REC114: variants seen among roughly 807,000 people sequenced by gnomAD.
REC114 encodes the protein REC114 meiotic recombination protein.
REC114 carries 27 observed loss-of-function variants against 31.3 expected under a neutral mutation model. The observed-to-expected ratio is 0.86, with a 90% CI of 0.64 to 1.19. The LOEUF (loss-of-function observed/expected upper bound fraction) is 1.19, where lower values mean the gene tolerates loss of function less well. Among genes scored for constraint, REC114 ranks in the 50% most tolerant of loss-of-function variants. The probability of loss-of-function intolerance (pLI) is 0.00; values close to 1 mark genes in which losing one functional copy is unlikely to be tolerated. For missense variants in REC114, 344 were observed against 326.9 expected (o/e 1.05, Z -0.40); for synonymous variants, 134 against 127.7 (o/e 1.05, Z -0.33).
At chr15:73,525,769 A>T (rs1175783623) in intron 2 of REC114, among the ~76,000 whole-genome samples, 4 of 152,158 alleles carry the variant, frequency 2.6e-5, no homozygotes, top group Non-Finnish European at 4.4e-5. Flanking sequence ...CATATGGTAT[A>T]TCTTTTTGAA....
rs1487877964 is a variant in REC114 at position 73,514,040 on chromosome 15, C to A, written c.250-26445C>A. On this transcript the variant is annotated intron_variant, in intron 2 of 5. Transcript: ENST00000331090. Reference sequence around the variant, plus strand: ...TGGGCAATGGCGGGCGCCCCTCCCCCAGCCTCGCTGCTGCCTTGCAGTTTG... The same window carrying A: ...TGGGCAATGGCGGGCGCCCCTCCCCAAGCCTCGCTGCTGCCTTGCAGTTTG... Among the ~76,000 whole-genome samples the A allele has an allele frequency of 3.3e-5, 5 of 152,272 alleles. No homozygotes were observed. The East Asian group carries it at 5.8e-4, about 18-fold the overall frequency.
At chr15:73,467,412 A>G (rs1029192372) in intron 1 of REC114, among the ~76,000 whole-genome samples, 2 of 151,998 alleles carry the variant, frequency 1.3e-5, no homozygotes, top group Admixed American at 1.3e-4. Context: ...CACTAATTAT[A>G]TTTGTTGTGT....
At chr15:73,447,191 G>A (rs972997536) in intron 1 of REC114, among the ~76,000 whole-genome samples, 16 of 152,110 alleles carry the variant, frequency 1.1e-4, no homozygotes, top group Admixed American at 5.2e-4. Context: ...TGGATGTATT[G>A]AATTTCATAA....
intron 4 of REC114, among the ~76,000 whole-genome samples, chr15:73,554,092 C>T (rs1297705627): frequency 6.6e-6 from 1 of 152,116 alleles, no homozygotes; most frequent in Non-Finnish European, 1.5e-5. Context: ...TGCAAATGAA[C>T]AAATCAGCAT....
intron 3 of REC114, among the ~76,000 whole-genome samples, chr15:73,547,983 TATAGA>T (rs1404335260): frequency 4.2e-4 from 64 of 152,174 alleles, no homozygotes; most frequent in African/African-American, 1.5e-3. Context: ...ACACAAAACC[TATAGA>T]ATAGGAGAAC....
intron 2 of REC114, 53 bp from the exon 3 acceptor site, chr15:73,540,432 C>G: frequency 8.2e-7 from 1 of 1,214,174 alleles, no homozygotes; most frequent in South Asian, 1.2e-5. Context: ...GCAGCCATAG[C>G]TATTCTTCAT....
chr15:73,503,997 A>ATT lies in REC114; in HGVS notation c.249+30101_249+30102dup, dbSNP rs71137349. On this transcript the variant is annotated intron_variant, in intron 2 of 5. Transcript: ENST00000331090. ...ATATCTTAGAAATTCTCCCATAGGAATTTTTTTTTTTTTTTTTTTTTTTTT... is the reference window on the plus strand; with the variant it reads ...ATATCTTAGAAATTCTCCCATAGGAATTTTTTTTTTTTTTTTTTTTTTTTTTT... Among the ~76,000 whole-genome samples, 91 of 64,034 alleles carry ATT rather than the reference A, an allele frequency of 1.4e-3. 2 individuals carry two copies. Among genetic ancestry groups the ATT allele is most frequent in the African/African-American group, 3.6e-3 (64 of 17,994 alleles). 42.0% of individuals were successfully genotyped at this position (64,034 alleles called of 152,430 possible). A position where few individuals can be genotyped will look rare whatever the true frequency, so the allele number is the denominator to read the frequency against.
At chr15:73,537,361 T>C (rs967553003) in intron 2 of REC114, among the ~76,000 whole-genome samples, 12 of 152,302 alleles carry the variant, frequency 7.9e-5, no homozygotes, top group African/African-American at 2.9e-4. Flanking sequence ...GCAAAATGGT[T>C]TGAACAAATC....
chr15:73,477,891 A>G (rs945761114), intron 2 of REC114, among the ~76,000 whole-genome samples: 13 of 152,276 alleles, frequency 8.5e-5, no homozygotes, highest in African/African-American at 3.1e-4. Context: ...TTACTATATT[A>G]TGGAATGTAA....
At chr15:73,475,149 A>T (rs558593157) in intron 2 of REC114, among the ~76,000 whole-genome samples, 1 of 152,304 alleles carries the variant, frequency 6.6e-6, no homozygotes, top group South Asian at 2.1e-4. Context: ...CCTCGGGCAT[A>T]TTAGACCACC....
intron 1 of REC114, among the ~76,000 whole-genome samples, chr15:73,460,946 G>A (rs1249475490): frequency 6.6e-6 from 1 of 152,122 alleles, no homozygotes; most frequent in Admixed American, 6.5e-5. Flanking sequence ...TAGAGGTGAT[G>A]AAGTTAATTC....
intron 1 of REC114, among the ~76,000 whole-genome samples, chr15:73,466,938 C>T (rs1893069456): frequency 6.6e-6 from 1 of 151,988 alleles, no homozygotes; most frequent in African/African-American, 2.4e-5. Flanking sequence ...AATGTAGTAC[C>T]ACAGGGAGGG....
At chr15:73,544,805 A>G (rs1234759673) in intron 3 of REC114, among the ~76,000 whole-genome samples, 8 of 152,224 alleles carry the variant, frequency 5.3e-5, no homozygotes, top group Non-Finnish European at 7.4e-5. Flanking sequence ...TAGTAGAGGA[A>G]TTCACAATTA....
intron 2 of REC114, among the ~76,000 whole-genome samples, chr15:73,482,969 G>A (rs1358513722): frequency 6.6e-6 from 1 of 150,738 alleles, no homozygotes; most frequent in Non-Finnish European, 1.5e-5. Context: ...TAGCAATAGT[G>A]CATGACAGTT....
At position 73,498,360 on chromosome 15, in the gene REC114, TA is replaced by T. The variant is rs1893556811; in HGVS notation, c.249+24440del. 2.0e-5 allele frequency among the ~76,000 whole-genome samples: 3 copies of T among 152,090 alleles called. No individual in the cohort carries two copies. The South Asian group carries it at 6.2e-4, about 32-fold the overall frequency. On this transcript the variant is annotated intron_variant, in intron 2 of 5. Transcript: ENST00000331090. ...TGAATGCTAAGTTTGTGATTTAAGGTAGGGGTGTGTGTGTGTGTGTTTCCTT... is the reference window on the plus strand; with the variant it reads ...TGAATGCTAAGTTTGTGATTTAAGGTGGGGTGTGTGTGTGTGTGTTTCCTT...
chr15:73,537,137 T>G (rs572898322), intron 2 of REC114, among the ~76,000 whole-genome samples: 1 of 152,290 alleles, frequency 6.6e-6, no homozygotes, highest in African/African-American at 2.4e-5. Flanking sequence ...CCTTCCCTCT[T>G]GGGGCTTATA....
At chr15:73,516,065 C>T (rs1893854569) in intron 2 of REC114, among the ~76,000 whole-genome samples, 3 of 151,658 alleles carry the variant, frequency 2.0e-5, no homozygotes, top group Non-Finnish European at 1.5e-5. Context: ...CGGCTCACTG[C>T]AACCTCCGCC....
Position 73,559,830 on chromosome 15 carries a change from C to A in REC114, c.715C>A (p.Arg239Ser), listed in dbSNP as rs200406801. Residue 239 changes from arginine (R) to serine (S), a missense_variant, in exon 6 of 6, where the codon CGT (arginine) becomes AGT (serine). Physicochemically the swap from Arg to Ser is moderately radical, Grantham distance 110 (BLOSUM62 -1). Coordinates refer to ENST00000331090, the MANE Select transcript of REC114 (RefSeq NM_001042367.2). ...WGAEELGPFLRLCLMDQNFPA... is the reference protein window; with the variant it reads ...WGAEELGPFLSLCLMDQNFPA... ...TGCAGAAGAGTTAGGCCCCTTCCTA[C>A]GTTTGTGCCTTATGGATCAGAATTT... is the stretch of plus-strand genomic sequence containing the variant. The A allele has an allele frequency of 1.2e-6, 2 of 1,612,720 alleles. No homozygotes were observed. Among genetic ancestry groups the A allele is most frequent in the African/African-American group, 1.3e-5 (1 of 74,918 alleles).
Position 73,544,987 on chromosome 15 carries a change from G to A in REC114, c.333+4419G>A, listed in dbSNP as rs182209226. Among the ~76,000 whole-genome samples the A allele has an allele frequency of 2.6e-5, 4 of 152,320 alleles. No homozygotes were observed. In the East Asian group the frequency reaches 7.7e-4, roughly 29 times the overall value. ...CTGGGCTCCACATTTTCCAGGGCATGACGATGCCTTGGAACACCTACTGTG... is the reference window on the plus strand; with the variant it reads ...CTGGGCTCCACATTTTCCAGGGCATAACGATGCCTTGGAACACCTACTGTG... On this transcript the variant is annotated intron_variant, in intron 3 of 5. Coordinates refer to ENST00000331090, the MANE Select transcript of REC114 (RefSeq NM_001042367.2).
Sources: allele counts gnomAD v4.1 joint callset (sites outside exome capture counted in the v4.1 genomes callset), GRCh38; gene constraint gnomAD v4.1.1; transcripts MANE v1.5; gene names NCBI Gene and HGNC (gene_info 2026-07-23, HGNC 2026-07-21).